Variants in TNS1 observed in about 807,000 individuals in gnomAD.
TNS1 encodes tensin 1.
In TNS1, 62 loss-of-function variants were observed where a neutral mutation model predicts 168.6. The observed-to-expected ratio is 0.37, with a 90% CI of 0.30 to 0.45. TNS1 has a LOEUF of 0.45. Ranked by LOEUF, TNS1 falls within the 20% of genes least tolerant of loss-of-function variation. The pLI, the probability that TNS1 is intolerant of heterozygous loss-of-function variation, is 1.00. For missense variants in TNS1, 2,240 were observed against 2,339.4 expected (o/e 0.96, Z 0.88); for synonymous variants, 934 against 933.2 (o/e 1.00, Z -0.02).
chr2:217,928,869 C>T (rs980098314), intron 3 of TNS1, among the ~76,000 whole-genome samples: 1 of 152,212 alleles, frequency 6.6e-6, no homozygotes, highest in African/African-American at 2.4e-5. Flanking sequence ...CTGCAAGCCA[C>T]TCGAGATGGG....
intron 27 of TNS1, among the ~76,000 whole-genome samples, chr2:217,812,759 G>T (rs752336141): frequency 6.6e-6 from 1 of 152,148 alleles, no homozygotes; most frequent in South Asian, 2.1e-4. Context: ...AGAGAATTGT[G>T]GGATCCAATC....
intron 3 of TNS1, among the ~76,000 whole-genome samples, chr2:217,938,401 C>G (rs1213994245): frequency 6.6e-6 from 1 of 152,182 alleles, no homozygotes; most frequent in Non-Finnish European, 1.5e-5. Context: ...GCCAGGAGCC[C>G]TACCCTTGCA....
chr2:217,935,571 T>G (rs1483566965), intron 3 of TNS1, among the ~76,000 whole-genome samples: 1 of 152,116 alleles, frequency 6.6e-6, no homozygotes, highest in East Asian at 1.9e-4. Flanking sequence ...TGTGTGGTGG[T>G]GGAAGCAGTT....
Position 217,885,730 on chromosome 2 carries a change from A to AG in TNS1, c.1116+13dup, listed in dbSNP as rs35040165. ...TAAACAAGGATGGGGCTTGACACAG[A>AG]GGACAGCACTCACCAAGATGTCTCC... On this transcript the variant is annotated intron_variant, in intron 15 of 32. Transcript: ENST00000682258. 653,298 of 1,610,224 alleles carry AG rather than the reference A, an allele frequency of 0.41. 148,503 individuals are homozygous for AG. The highest frequency in any genetic ancestry group is 0.88 in the African/African-American group (66,221 of 74,864).
intron 3 of TNS1, among the ~76,000 whole-genome samples, chr2:217,967,401 A>C (rs528072670): frequency 1.3e-5 from 2 of 152,284 alleles, no homozygotes; most frequent in African/African-American, 4.8e-5. Context: ...AATTCTTTGA[A>C]AAGATCAACA....
chr2:218,021,572 T>A (rs1559413699), intron 1 of TNS1, among the ~76,000 whole-genome samples: 1 of 152,146 alleles, frequency 6.6e-6, no homozygotes, highest in Non-Finnish European at 1.5e-5. Context: ...GTTCTGCCCT[T>A]ATCACATACC....
At chr2:217,893,135 A>C in intron 10 of TNS1, 123 bp from the exon 11 acceptor site, 4 of 1,259,158 alleles carry the variant, frequency 3.2e-6, no homozygotes, top group Non-Finnish European at 4.4e-6. Flanking sequence ...TTTAAGGGAG[A>C]ACATAAGGAG....
intron 3 of TNS1, among the ~76,000 whole-genome samples, chr2:217,934,967 A>T (rs1299125885): frequency 6.6e-6 from 1 of 152,242 alleles, no homozygotes; most frequent in Admixed American, 6.5e-5. Context: ...CAATTGAGGA[A>T]ACCAAAGCCC....
chr2:217,934,056 C>G (rs1277419357), intron 3 of TNS1, among the ~76,000 whole-genome samples: 5 of 152,184 alleles, frequency 3.3e-5, no homozygotes, highest in African/African-American at 4.8e-5. Context: ...CAAGCAGTAG[C>G]CTCTTTTCAC....
intron 18 of TNS1, among the ~76,000 whole-genome samples, chr2:217,858,908 C>T (rs914176191): frequency 2.6e-5 from 4 of 151,950 alleles, no homozygotes; most frequent in African/African-American, 7.3e-5. Flanking sequence ...TCCCACCGGC[C>T]GGGAGTCAGG....
At chr2:217,811,114 G>A (rs1940816030) in intron 28 of TNS1, among the ~76,000 whole-genome samples, 1 of 152,066 alleles carries the variant, frequency 6.6e-6, no homozygotes, top group African/African-American at 2.4e-5. Flanking sequence ...GCCTCACTTC[G>A]AGCAATCCTT....
chr2:217,958,187 C>CTTCT (rs1465974526), intron 3 of TNS1, among the ~76,000 whole-genome samples: 1 of 151,994 alleles, frequency 6.6e-6, no homozygotes, highest in African/African-American at 2.4e-5. Context: ...ACTTAGAATA[C>CTTCT]ATAAAAGGTT....
chr2:217,925,655 A>C (rs1251131537), intron 3 of TNS1, among the ~76,000 whole-genome samples: 1 of 152,250 alleles, frequency 6.6e-6, no homozygotes, highest in African/African-American at 2.4e-5. Context: ...AATGCACATA[A>C]CATAACACTT....
upstream of TNS1, among the ~76,000 whole-genome samples, chr2:218,005,709 C>T (rs913888403): frequency 5.3e-5 from 8 of 152,218 alleles, no homozygotes; most frequent in Non-Finnish European, 1.2e-4. Flanking sequence ...AAGAATGACT[C>T]AATCACTCAA....
chr2:217,896,197 C>A (rs113973225), intron 8 of TNS1, among the ~76,000 whole-genome samples: 5 of 152,328 alleles, frequency 3.3e-5, no homozygotes, highest in African/African-American at 1.2e-4. Context: ...AGAATTTGAA[C>A]CCAGGACTTT....
At chr2:217,887,535 CA>C (rs1951325611) in intron 12 of TNS1, among the ~76,000 whole-genome samples, 1 of 152,114 alleles carries the variant, frequency 6.6e-6, no homozygotes, top group African/African-American at 2.4e-5. Context: ...CTCAAACTCC[CA>C]ACCTCAGGTG....
chr2:217,818,359 G>A lies in TNS1; in HGVS notation c.3973C>T (p.Pro1325Ser), dbSNP rs770030341. 6.2e-7 allele frequency: 1 copy of A among 1,614,186 alleles called. No individual in the cohort carries two copies. Among genetic ancestry groups the A allele is most frequent in the South Asian group, 1.1e-5 (1 of 91,082 alleles). The change falls in exon 24 of 33, where the codon CCA becomes TCA. Residue 1325 changes from proline to serine, a missense_variant. Transcript: ENST00000682258. ...SLSHHQMMGP[P>S]GTGFHGSTVS... ...GTGCTACCATGGAAGCCAGTGCCTG[G>A]TGGACCCATCATCTGGTGATGGCTC... is the stretch of plus-strand genomic sequence containing the variant.
intron 3 of TNS1, among the ~76,000 whole-genome samples, chr2:217,946,193 C>T (rs1324565677): frequency 2.6e-5 from 4 of 152,194 alleles, no homozygotes; most frequent in Non-Finnish European, 5.9e-5. Context: ...GGGCTCAATT[C>T]AGAAGCCATC....
At chr2:217,970,764 C>A (rs951729505) in intron 3 of TNS1, among the ~76,000 whole-genome samples, 1 of 152,082 alleles carries the variant, frequency 6.6e-6, no homozygotes, top group African/African-American at 2.4e-5. Flanking sequence ...TACAGGGTTT[C>A]TTTCCGAGCT....
Sources: allele counts gnomAD v4.1 joint callset (sites outside exome capture counted in the v4.1 genomes callset), GRCh38; gene constraint gnomAD v4.1.1; transcripts MANE v1.5; gene names NCBI Gene and HGNC (gene_info 2026-07-23, HGNC 2026-07-21).